Variants in KIRREL3 observed in about 807,000 individuals in gnomAD.
KIRREL3 encodes the protein kirre like nephrin family adhesion molecule 3, also known as kin of IRRE-like protein 3.
A neutral mutation model predicts 89.7 loss-of-function variants in KIRREL3; 36 were observed. That is an observed-to-expected ratio of 0.40 (90% CI 0.31 to 0.53). KIRREL3 has a LOEUF of 0.53. Among genes scored for constraint, KIRREL3 ranks in the 20% least tolerant of loss-of-function variants. KIRREL3 has a pLI of 0.49. For missense variants in KIRREL3, 864 were observed against 1,056.6 expected, an observed-to-expected ratio of 0.82 and a Z score of 2.53; for synonymous variants, 445 against 441.4, an observed-to-expected ratio of 1.01 and a Z score of -0.10.
At chr11:126,505,852 A>G (rs1466823272) in intron 4 of KIRREL3, among the ~76,000 whole-genome samples, 2 of 152,244 alleles carry the variant, frequency 1.3e-5, no homozygotes, top group Non-Finnish European at 2.9e-5. Flanking sequence ...GGGAATACTC[A>G]ATATTGTTAA....
At chr11:126,499,790 G>A (rs564675448) in intron 4 of KIRREL3, among the ~76,000 whole-genome samples, 6 of 152,330 alleles carry the variant, frequency 3.9e-5, no homozygotes, top group African/African-American at 1.4e-4. Flanking sequence ...GTCTTGTGAA[G>A]TCATCCCAGA....
intron 1 of KIRREL3, among the ~76,000 whole-genome samples, chr11:126,863,594 A>AGT: frequency 1.3e-5 from 1 of 74,758 alleles, no homozygotes; most frequent in South Asian, 4.7e-4. Flanking sequence ...TGTGTGTTTG[A>AGT]GTGCGTGTGT....
chr11:126,510,905 C>T (rs1591654690), intron 4 of KIRREL3, among the ~76,000 whole-genome samples: 1 of 152,170 alleles, frequency 6.6e-6, no homozygotes, highest in Non-Finnish European at 1.5e-5. Flanking sequence ...TTCATCTACT[C>T]CCATCTCCCA....
chr11:127,000,606 C>A lies in KIRREL3; in HGVS notation c.-97G>T. ...GGTGCTCAGCCTCCGCCGGTCCTCT[C>A]GGGTTCGCGCCTACCATCTGTCCGT... On this transcript the variant is annotated 5_prime_UTR_variant, in exon 1 of 17. Transcript: ENST00000525144. This position sits in a 1 kb window ranked among gnomAD's most constrained non-coding sequence, Gnocchi z 7.1. 1.5e-6 allele frequency: 2 copies of A among 1,305,444 alleles called. No individual in the cohort carries two copies. The highest frequency in any genetic ancestry group is 2.1e-5 in the Admixed American group (1 of 47,150). The allele number at this position is 1,305,444 out of a possible 1,614,324, so 80.9% of individuals were successfully genotyped here.
chr11:126,810,530 G>A (rs898706972), intron 1 of KIRREL3, among the ~76,000 whole-genome samples: 1 of 152,000 alleles, frequency 6.6e-6, no homozygotes, highest in Admixed American at 6.6e-5. Flanking sequence ...TGCTCCTCTC[G>A]TTAGGTTAAG....
chr11:126,456,057 T>TTTTTTTTTTTTTTTTTTTC (rs147218473), intron 7 of KIRREL3, among the ~76,000 whole-genome samples: 4 of 109,740 alleles, frequency 3.6e-5, no homozygotes, highest in Non-Finnish European at 3.5e-5. Flanking sequence ...TTTTTTTTTT[T>TTTTTTTTTTTTTTTTTTTC]CCTGAGCCTT....
chr11:126,534,330 A>T (rs1371367003), intron 2 of KIRREL3, among the ~76,000 whole-genome samples: 1 of 152,204 alleles, frequency 6.6e-6, no homozygotes, highest in Admixed American at 6.5e-5. Context: ...CTGGCGCTGA[A>T]CTAGCTTCCG....
chr11:126,661,793 G>A (rs1256216696), intron 1 of KIRREL3, among the ~76,000 whole-genome samples: 1 of 152,180 alleles, frequency 6.6e-6, no homozygotes, highest in Non-Finnish European at 1.5e-5. Context: ...TCCTCTGTAT[G>A]AATAATTTTA....
chr11:126,953,486 A>G lies in KIRREL3; in HGVS notation c.55+46969T>C, dbSNP rs1272447305. On this transcript the variant is annotated intron_variant, in intron 1 of 16. Transcript: ENST00000525144. The surrounding 1 kb of genome is among the most constrained non-coding windows in gnomAD (Gnocchi z 5.2). ...CCCAGAACTTAAAGTATATATATAA[A>G]AAAGAATAACTAGAGTTTTGTTCAT... 6.6e-6 allele frequency among the ~76,000 whole-genome samples: 1 copy of G among 152,144 alleles called. No homozygotes were observed. Among genetic ancestry groups the G allele is most frequent in the East Asian group, 1.9e-4 (1 of 5,196 alleles).
chr11:126,866,306 G>T (rs539170376), intron 1 of KIRREL3, among the ~76,000 whole-genome samples: 115 of 152,200 alleles, frequency 7.6e-4, no homozygotes, highest in Non-Finnish European at 1.5e-3. Flanking sequence ...GCCTGGCCAG[G>T]CAGGGAGGGC....
chr11:126,518,241 C>T (rs926476851), intron 4 of KIRREL3, among the ~76,000 whole-genome samples: 5 of 152,376 alleles, frequency 3.3e-5, no homozygotes, highest in South Asian at 2.1e-4. Flanking sequence ...GCTGCCAGGC[C>T]GAGTCCCCAT....
In KIRREL3 at chr11:126,969,335, C is replaced by G. The variant is rs1180282797; in HGVS notation, c.55+31120G>C. On this transcript the variant is annotated intron_variant, in intron 1 of 16. Coordinates refer to ENST00000525144, the MANE Select transcript of KIRREL3 (RefSeq NM_032531.4). This position sits in a 1 kb window ranked among gnomAD's most constrained non-coding sequence, Gnocchi z 4.9. ...CTGGCCTTCCAAGGAGAGAGTTGTCCACTGGGGAAAACGCCTGGGCAATTC... is the reference window on the plus strand; with the variant it reads ...CTGGCCTTCCAAGGAGAGAGTTGTCGACTGGGGAAAACGCCTGGGCAATTC... 1.3e-5 allele frequency among the ~76,000 whole-genome samples: 2 copies of G among 152,062 alleles called. No homozygotes were observed. Among genetic ancestry groups the G allele is most frequent in the African/African-American group, 4.8e-5 (2 of 41,390 alleles).
intron 1 of KIRREL3, among the ~76,000 whole-genome samples, chr11:126,730,064 C>T (rs1948552489): frequency 6.6e-6 from 1 of 152,200 alleles, no homozygotes; most frequent in African/African-American, 2.4e-5. Flanking sequence ...CATTCCTGTC[C>T]CCAGCCACTT....
At position 126,764,465 on chromosome 11, in the gene KIRREL3, G is replaced by A. The variant is rs1949757267; in HGVS notation, c.56-201553C>T. Among the ~76,000 whole-genome samples, 1 of 152,154 alleles carries A rather than the reference G, an allele frequency of 6.6e-6. No homozygotes were observed. The highest frequency in any genetic ancestry group is 1.9e-4 in the East Asian group (1 of 5,190). ...AAGATCAACTTCGCAGAGAAACACC[G>A]TTTCCAGAAGCAGTGAGGATCTTTC... is the stretch of plus-strand genomic sequence containing the variant. On this transcript the variant is annotated intron_variant, in intron 1 of 16. Transcript: ENST00000525144. This position sits in a 1 kb window ranked among gnomAD's most constrained non-coding sequence, Gnocchi z 4.2.
Position 126,745,871 on chromosome 11 carries a change from G to A in KIRREL3, c.56-182959C>T, listed in dbSNP as rs536263633. Among the ~76,000 whole-genome samples, 10 of 152,290 alleles carry A rather than the reference G, an allele frequency of 6.6e-5. No homozygotes were observed. The South Asian group carries it at 1.2e-3, about 19-fold the overall frequency. On this transcript the variant is annotated intron_variant, in intron 1 of 16. Coordinates refer to ENST00000525144, the MANE Select transcript of KIRREL3 (RefSeq NM_032531.4). ...CCAGAGGCCAGGCTTGGTGTTGGGC[G>A]TTTATCAATGTACAAGTCCCTCCCT...
chr11:126,737,025 T>G (rs115100256), intron 1 of KIRREL3, among the ~76,000 whole-genome samples: 2,150 of 152,312 alleles, frequency 0.014, 47 homozygotes, highest in African/African-American at 0.045. Flanking sequence ...CAAAAACAGC[T>G]AAAGTTTTCT....
At chr11:126,511,281 G>A (rs531924775) in intron 4 of KIRREL3, among the ~76,000 whole-genome samples, 3 of 151,526 alleles carry the variant, frequency 2.0e-5, no homozygotes, top group South Asian at 4.2e-4. Flanking sequence ...CTGAGATCAC[G>A]CCACTGCACT....
rs1468004208 is a variant in KIRREL3, at chr11:126,666,921, G to T, written c.56-104009C>A. On this transcript the variant is annotated intron_variant, in intron 1 of 16. Transcript: ENST00000525144. The surrounding 1 kb of genome is among the most constrained non-coding windows in gnomAD (Gnocchi z 4.2). Reference sequence around the variant, plus strand: ...GAGAGGGCTTAGCCAACAGTCTCAGGGTCAGCATTTCCTAGTCCTACAAGA... The same window carrying T: ...GAGAGGGCTTAGCCAACAGTCTCAGTGTCAGCATTTCCTAGTCCTACAAGA... Among the ~76,000 whole-genome samples the T allele has an allele frequency of 6.6e-6, 1 of 152,112 alleles. No homozygotes were observed. The highest frequency in any genetic ancestry group is 1.5e-5 in the Non-Finnish European group (1 of 68,006).
chr11:126,832,901 G>C (rs541481251), intron 1 of KIRREL3, among the ~76,000 whole-genome samples: 5 of 152,266 alleles, frequency 3.3e-5, no homozygotes, highest in Middle Eastern at 3.4e-3. Flanking sequence ...ATTTGTTCGA[G>C]TAGACTTCAC....
Sources: gnomAD v4.1 joint callset for allele counts (sites outside exome capture counted in the v4.1 genomes callset) on GRCh38, gnomAD v4.1.1 for gene constraint, Gnocchi (gnomAD v3.1) non-coding constraint, MANE v1.5 for transcripts, NCBI Gene and HGNC (gene_info 2026-07-23, HGNC 2026-07-21) for gene names.